The following SAMD5 variants were observed in gnomAD, a reference collection of about 807,000 sequenced individuals.
The protein encoded by SAMD5 is sterile alpha motif domain-containing protein 5.
In SAMD5, 13 loss-of-function variants were observed where a neutral mutation model predicts 11.3. The ratio of observed to expected loss-of-function variants is 1.15; its 90% CI spans 0.75 to 1.83. The LOEUF is 1.83. Ranked by LOEUF, SAMD5 falls within the 40% of genes most tolerant of loss-of-function variation. The pLI is 0.00. For synonymous variants in SAMD5, 129 were observed against 111.3 expected (o/e 1.16, Z -1.00); for missense variants, 255 against 239.1 (o/e 1.07, Z -0.44).
chr6:147,581,434 G>A (rs1231615203), intron 1 of SAMD5, among the ~76,000 whole-genome samples: 1 of 152,170 alleles, frequency 6.6e-6, no homozygotes, highest in Non-Finnish European at 1.5e-5. Context: ...AGGATAAGAT[G>A]GCCCAGGGAC....
the SAMD5 span, among the ~76,000 whole-genome samples, chr6:147,799,687 C>A: frequency 2.0e-5 from 3 of 151,142 alleles, no homozygotes; most frequent in Non-Finnish European, 4.4e-5. Context: ...TCCATTCTCC[C>A]CATCACTTTC....
the SAMD5 span, among the ~76,000 whole-genome samples, chr6:147,922,973 C>T: frequency 6.6e-6 from 1 of 152,048 alleles, no homozygotes; most frequent in African/African-American, 2.4e-5. Context: ...CCCCTGCACC[C>T]CCTCACTTCC....
intron 1 of SAMD5, among the ~76,000 whole-genome samples, chr6:147,581,344 GT>G (rs1197858307): frequency 6.6e-6 from 1 of 152,172 alleles, no homozygotes; most frequent in Non-Finnish European, 1.5e-5. Flanking sequence ...ACCTATATGT[GT>G]GCATCTCTGG....
At chr6:147,619,563 ATCTGTC>A (rs1348797673) in intron 1 of SAMD5, among the ~76,000 whole-genome samples, 1 of 152,236 alleles carries the variant, frequency 6.6e-6, no homozygotes, top group Admixed American at 6.5e-5. Flanking sequence ...GATCCTTGTT[ATCTGTC>A]TCTAAATAAA....
chr6:147,750,188 G>A, the SAMD5 span, among the ~76,000 whole-genome samples: 1 of 152,182 alleles, frequency 6.6e-6, no homozygotes, highest in Non-Finnish European at 1.5e-5. Flanking sequence ...GATAGGTATT[G>A]TCTTAAGCAA....
At chr6:147,913,507 C>A in the SAMD5 span, among the ~76,000 whole-genome samples, 1 of 152,020 alleles carries the variant, frequency 6.6e-6, no homozygotes, top group Non-Finnish European at 1.5e-5. Context: ...ACTAGCCTGG[C>A]CAACATGGAG....
At chr6:147,556,559 C>T (rs17076945) in intron 1 of SAMD5, among the ~76,000 whole-genome samples, 1,583 of 152,216 alleles carry the variant, frequency 0.01, 11 homozygotes, top group Non-Finnish European at 0.018. Context: ...AGAGAATGGC[C>T]GGGATACAAC....
the SAMD5 span, among the ~76,000 whole-genome samples, chr6:147,750,589 A>T: frequency 1.3e-5 from 2 of 152,102 alleles, no homozygotes; most frequent in Non-Finnish European, 2.9e-5. Flanking sequence ...TCACAGTTTG[A>T]TGAGGCTCAG....
At chr6:147,644,863 T>G (rs1790373751) in intron 1 of SAMD5, among the ~76,000 whole-genome samples, 1 of 152,182 alleles carries the variant, frequency 6.6e-6, no homozygotes, top group Non-Finnish European at 1.5e-5. Context: ...ACCCTTGGAT[T>G]AGCCCAGGGT....
chr6:147,749,361 G>A, the SAMD5 span, among the ~76,000 whole-genome samples: 5 of 151,938 alleles, frequency 3.3e-5, no homozygotes, highest in East Asian at 1.9e-4. Context: ...GTAGAGATAC[G>A]GTTTCACCAT....
chr6:147,636,978 C>T (rs1045619497), intron 1 of SAMD5, among the ~76,000 whole-genome samples: 3 of 151,934 alleles, frequency 2.0e-5, no homozygotes, highest in Non-Finnish European at 4.4e-5. Flanking sequence ...TCATCCAGGG[C>T]AATAACGATC....
the SAMD5 span, chr6:147,743,350 A>G: frequency 6.6e-6 from 1 of 152,252 alleles, no homozygotes; most frequent in Admixed American, 6.5e-5. Flanking sequence ...TGCTAAAAAT[A>G]CAAAAAATCA....
At chr6:147,611,318 T>C (rs879906910) in intron 1 of SAMD5, among the ~76,000 whole-genome samples, 1 of 152,092 alleles carries the variant, frequency 6.6e-6, no homozygotes, top group Non-Finnish European at 1.5e-5. Flanking sequence ...ATGCCTGTAA[T>C]CCCAGGACTT....
intron 1 of SAMD5, among the ~76,000 whole-genome samples, chr6:147,625,114 A>G (rs748955861): frequency 6.6e-6 from 1 of 152,102 alleles, no homozygotes; most frequent in African/African-American, 2.4e-5. Context: ...TGTGGTTTGT[A>G]TGTGGGGTTC....
the SAMD5 span, among the ~76,000 whole-genome samples, chr6:147,858,339 C>G: frequency 2.6e-5 from 4 of 152,258 alleles, no homozygotes. Flanking sequence ...ATATTGCTCT[C>G]TGTTTTCATG....
chr6:147,834,438 T>A, the SAMD5 span, among the ~76,000 whole-genome samples: 1 of 152,190 alleles, frequency 6.6e-6, no homozygotes, highest in African/African-American at 2.4e-5. Flanking sequence ...TGAAAGAATC[T>A]GTTGAAATAG....
chr6:147,928,907 A>G, the SAMD5 span, among the ~76,000 whole-genome samples: 3 of 150,814 alleles, frequency 2.0e-5, no homozygotes, highest in Non-Finnish European at 4.4e-5. Flanking sequence ...TTTTGCCTTA[A>G]TTTCATTATT....
At chr6:147,555,295 C>T (rs1788837782) in intron 1 of SAMD5, among the ~76,000 whole-genome samples, 1 of 152,192 alleles carries the variant, frequency 6.6e-6, no homozygotes, top group African/African-American at 2.4e-5. Context: ...GCTGCATTTT[C>T]CATGTAACAC....
intron 1 of SAMD5, among the ~76,000 whole-genome samples, chr6:147,729,050 TG>T (rs1791669722): frequency 6.6e-6 from 1 of 152,218 alleles, no homozygotes; most frequent in South Asian, 2.1e-4. Flanking sequence ...GAGATCATGG[TG>T]CCAGCAGGGT....
Sources: allele counts gnomAD v4.1 joint callset (sites outside exome capture counted in the v4.1 genomes callset), GRCh38; gene constraint gnomAD v4.1.1; transcripts MANE v1.5; gene names NCBI Gene and HGNC (gene_info 2026-07-23, HGNC 2026-07-21).